ABL1: variants seen among roughly 807,000 people sequenced by gnomAD.
ABL1 encodes the protein tyrosine-protein kinase ABL1.
A neutral mutation model predicts 94.7 loss-of-function variants in ABL1; 11 were observed. The ratio of observed to expected loss-of-function variants is 0.12; its 90% CI spans 0.07 to 0.19. The LOEUF is 0.19. Among genes scored for constraint, ABL1 ranks in the 10% least tolerant of loss-of-function variants. ABL1 has a pLI of 1.00. For synonymous variants in ABL1, 656 were observed against 622.4 expected (o/e 1.05, Z -0.80); for missense variants, 1,082 against 1,489.4 (o/e 0.73, Z 4.50).
At chr9:130,867,609 G>A (rs1189563463) in intron 4 of ABL1, among the ~76,000 whole-genome samples, 1 of 152,216 alleles carries the variant, frequency 6.6e-6, no homozygotes, top group African/African-American at 2.4e-5. Context: ...CCTCCACCCA[G>A]CACAGTGTGT....
Position 130,753,991 on chromosome 9 carries a change from G to A in ABL1, c.136+39536G>A, listed in dbSNP as rs187824988. Among the ~76,000 whole-genome samples the A allele has an allele frequency of 6.8e-3, 1,024 of 150,666 alleles. 17 individuals are homozygous for A. The highest frequency in any genetic ancestry group is 0.024 in the African/African-American group (999 of 41,060). ...GAGGCTGAGGCGGGTGTATCACCTGGGTCAGGAGTTCGAGACCAGTCTGGC... is the reference window on the plus strand; with the variant it reads ...GAGGCTGAGGCGGGTGTATCACCTGAGTCAGGAGTTCGAGACCAGTCTGGC... On this transcript the variant is annotated intron_variant, in intron 1 of 10. Transcript: ENST00000372348.
Position 130,777,134 on chromosome 9 carries a change from G to A in ABL1, c.136+62679G>A, listed in dbSNP as rs1267473466. On this transcript the variant is annotated intron_variant, in intron 1 of 10. Coordinates refer to the ABL1 transcript ENST00000372348. ...AGGATATGAGTTACGGTTTTTTGTA[G>A]TTTGGATTATCTCCAGTTTCCTGAA... Among the ~76,000 whole-genome samples, 3 of 152,294 alleles carry A rather than the reference G, an allele frequency of 2.0e-5. 1 individual carries two copies. In the East Asian group the frequency reaches 5.8e-4, roughly 29 times the overall value.
Position 130,885,296 on chromosome 9 carries a change from C to T in ABL1, c.3006C>T (p.Phe1002=). 1 of 1,613,800 alleles carries T rather than the reference C, an allele frequency of 6.2e-7. No individual in the cohort carries two copies. Among genetic ancestry groups the T allele is most frequent in the Non-Finnish European group, 8.5e-7 (1 of 1,180,030 alleles). The change falls in exon 11 of 11, where the codon TTC becomes TTT. Residue 1002 remains phenylalanine (F), a synonymous_variant. Transcript: ENST00000318560. Reference sequence around the variant, plus strand: ...GGGACCAGCCGTCTTCCACCGCCTTCATCCCTCTCATATCAACCCGAGTGT... The same window carrying T: ...GGGACCAGCCGTCTTCCACCGCCTTTATCCCTCTCATATCAACCCGAGTGT... ...LAGDQPSSTA[F]IPLISTRVSL...
chr9:130,801,035 A>G (rs569159225), intron 1 of ABL1, among the ~76,000 whole-genome samples: 47 of 151,166 alleles, frequency 3.1e-4, no homozygotes, highest in African/African-American at 4.1e-4. Flanking sequence ...GGTTCAAGCA[A>G]TTCTCAGCGT....
In ABL1 at chr9:130,880,570, G is replaced by T. The variant is rs1229130287; in HGVS notation, c.1584G>T (p.Leu528=). 1.1e-5 allele frequency: 17 copies of T among 1,613,814 alleles called. No individual in the cohort carries two copies. The highest frequency in any genetic ancestry group is 1.4e-5 in the Non-Finnish European group (16 of 1,179,924). Residue 528 remains leucine, a synonymous_variant, in exon 10 of 11, where the codon CTG becomes CTT. Transcript: ENST00000318560. The surrounding 1 kb of genome is among the most constrained non-coding windows in gnomAD (Gnocchi z 4.4). ...AVSTLLQAPE[L]PTKTRTSRRA... ...GTACCTTGCTGCAGGCCCCAGAGCT[G>T]CCCACCAAGACGAGGACCTCCAGGA...
chr9:130,885,828 T>C lies in ABL1; in HGVS notation c.*145T>C. 3 of 1,114,474 alleles carry C rather than the reference T, an allele frequency of 2.7e-6. No individual in the cohort carries two copies. The highest frequency in any genetic ancestry group is 3.7e-6 in the Non-Finnish European group (3 of 803,686). The allele number at this position is 1,114,474 out of a possible 1,614,324, so 69.0% of individuals were successfully genotyped here. A position where few individuals can be genotyped will look rare whatever the true frequency, so the allele number is the denominator to read the frequency against. On this transcript the variant is annotated 3_prime_UTR_variant, in exon 11 of 11. Coordinates refer to ENST00000318560, the MANE Select transcript of ABL1 (RefSeq NM_005157.6). ...CTGCGCCAGGCAGAGCTGAGGGCCC[T>C]GTGGAGTCCAGCTCTACTACCTACG...
intron 1 of ABL1, among the ~76,000 whole-genome samples, chr9:130,744,908 T>A (rs1831867986): frequency 1.3e-5 from 2 of 152,022 alleles, no homozygotes; most frequent in Non-Finnish European, 2.9e-5. Context: ...TCTTTGCTGT[T>A]CCTTTTCAGG....
At chr9:130,859,536 C>G (rs899867772) in intron 3 of ABL1, among the ~76,000 whole-genome samples, 14 of 151,930 alleles carry the variant, frequency 9.2e-5, no homozygotes, top group African/African-American at 3.4e-4. Flanking sequence ...GGGGAACTTG[C>G]TTCCTGGCTG....
At position 130,884,863 on chromosome 9, in the gene ABL1, G is replaced by A. The variant is rs1173321055; in HGVS notation, c.2573G>A (p.Gly858Asp). The A allele has an allele frequency of 1.2e-6, 2 of 1,607,350 alleles. No homozygotes were observed. The highest frequency in any genetic ancestry group is 1.1e-5 in the South Asian group (1 of 90,518). The change falls in exon 11 of 11, where the codon GGC (glycine) becomes GAC (aspartate). Residue 858 changes from glycine to aspartate, a missense_variant. Physicochemically the swap from Gly to Asp is moderately conservative, Grantham distance 94. Coordinates refer to ENST00000318560, the MANE Select transcript of ABL1 (RefSeq NM_005157.6). This position sits in a 1 kb window ranked among gnomAD's most constrained non-coding sequence, Gnocchi z 5.6. ...AEPVTPTSKA[G>D]SGAPGGTSKG... ...CCAGTGACCCCCACCAGCAAAGCAG[G>A]CTCAGGTGCACCAGGGGGCACCAGC... is the stretch of plus-strand genomic sequence containing the variant.
At position 130,871,133 on chromosome 9, in the gene ABL1, A is replaced by G. The variant is rs563556902; in HGVS notation, c.823-996A>G. On this transcript the variant is annotated intron_variant, in intron 4 of 10. Coordinates refer to ENST00000318560, the MANE Select transcript of ABL1 (RefSeq NM_005157.6). The stretch of plus-strand genomic sequence containing the variant: ...CCAAACTCTGTTGAAACTTGGAGGC[A>G]TCTCGCTTCCTCCTTTGGCCTTTGT... Among the ~76,000 whole-genome samples the G allele has an allele frequency of 7.9e-5, 12 of 152,366 alleles. No homozygotes were observed. The East Asian group carries it at 9.6e-4, about 12-fold the overall frequency.
At position 130,859,672 on chromosome 9, in the gene ABL1, CTTTCCTTTTTTTTTT is replaced by C. The variant is rs1302564939; in HGVS notation, c.550-3087_550-3073del. ...AAAAGAAACGCTGTTTCTTTTCTTT[CTTTCCTTTTTTTTTT>C]TTTTTTTTTTTTTTTTTTTGAGACA... On this transcript the variant is annotated intron_variant, in intron 3 of 10. Transcript: ENST00000318560. Among the ~76,000 whole-genome samples, 190 of 86,568 alleles carry C rather than the reference CTTTCCTTTTTTTTTT, an allele frequency of 2.2e-3. 5 individuals are homozygous for C. Among genetic ancestry groups the C allele is most frequent in the African/African-American group, 8.6e-3 (183 of 21,314 alleles). 56.8% of individuals were successfully genotyped at this position (86,568 alleles called of 152,430 possible).
intron 1 of ABL1, among the ~76,000 whole-genome samples, chr9:130,773,498 G>A (rs367815714): frequency 4.6e-5 from 7 of 151,952 alleles, no homozygotes; most frequent in Middle Eastern, 3.4e-3. Context: ...TTGCTCTATC[G>A]TCCAGGCTGG....
At chr9:130,825,800 C>T (rs1830417775) in intron 1 of ABL1, among the ~76,000 whole-genome samples, 2 of 152,172 alleles carry the variant, frequency 1.3e-5, no homozygotes, top group South Asian at 4.1e-4. Flanking sequence ...ACCATTTTTG[C>T]TTAATAATAT....
chr9:130,754,979 A>G (rs1277469377), intron 1 of ABL1, among the ~76,000 whole-genome samples: 2 of 152,126 alleles, frequency 1.3e-5, no homozygotes, highest in Non-Finnish European at 2.9e-5. Context: ...TTCCTCAAAG[A>G]TGACCTTGAG....
Position 130,885,621 on chromosome 9 carries a change from A to T in ABL1, c.3331A>T (p.Thr1111Ser). The T allele has an allele frequency of 6.2e-7, 1 of 1,613,320 alleles. No homozygotes were observed. The highest frequency in any genetic ancestry group is 8.5e-7 in the Non-Finnish European group (1 of 1,179,868). The change falls in exon 11 of 11, where the codon ACT (threonine) becomes TCT (serine). Residue 1111 changes from threonine (T) to serine (S), a missense_variant. Transcript: ENST00000318560. Reference protein sequence around the residue: ...PATAGSGPAATQDFSKLLSSV... With the variant: ...PATAGSGPAASQDFSKLLSSV... Reference sequence around the variant, plus strand: ...GACAGCAGGCAGTGGTCCAGCGGCCACTCAGGACTTCAGCAAGCTCCTCAG... The same window carrying T: ...GACAGCAGGCAGTGGTCCAGCGGCCTCTCAGGACTTCAGCAAGCTCCTCAG...
Position 130,846,176 on chromosome 9 carries a change from G to A in ABL1, c.80-7888G>A, listed in dbSNP as rs1157009855. ...TGAAGGTGTAAATTACAAAATAAAGGACCATGTAGAAATAGATAAAATGAC... is the reference window on the plus strand; with the variant it reads ...TGAAGGTGTAAATTACAAAATAAAGAACCATGTAGAAATAGATAAAATGAC... On this transcript the variant is annotated intron_variant, in intron 1 of 10. Coordinates refer to ENST00000318560, the MANE Select transcript of ABL1 (RefSeq NM_005157.6). Among the ~76,000 whole-genome samples the A allele has an allele frequency of 2.0e-5, 3 of 152,054 alleles. No homozygotes were observed. The East Asian group carries it at 5.8e-4, about 29-fold the overall frequency.
intron 1 of ABL1, among the ~76,000 whole-genome samples, chr9:130,826,143 A>T (rs1173197420): frequency 6.7e-6 from 1 of 149,016 alleles, no homozygotes; most frequent in Admixed American, 6.6e-5. Context: ...TAAAATGACA[A>T]TAAAAAGATT....
intron 1 of ABL1, among the ~76,000 whole-genome samples, chr9:130,813,517 T>C (rs1291444436): frequency 3.8e-5 from 5 of 131,156 alleles, no homozygotes; most frequent in Non-Finnish European, 7.7e-5. Context: ...GCCGAGATGG[T>C]GTCACTGCAC....
At chr9:130,723,973 G>A (rs1041148003) in intron 1 of ABL1, among the ~76,000 whole-genome samples, 2 of 151,874 alleles carry the variant, frequency 1.3e-5, no homozygotes, top group African/African-American at 4.8e-5. Flanking sequence ...CACCACACCT[G>A]GCCAATTTTT....
Sources: gnomAD v4.1 joint callset for allele counts (sites outside exome capture counted in the v4.1 genomes callset) on GRCh38, gnomAD v4.1.1 for gene constraint, Gnocchi (gnomAD v3.1) non-coding constraint, MANE v1.5 for transcripts, NCBI Gene and HGNC (gene_info 2026-07-23, HGNC 2026-07-21) for gene names.